The following BTNL9 variants were observed in gnomAD, a reference collection of about 807,000 sequenced individuals.
The protein encoded by BTNL9 is butyrophilin-like protein 9.
BTNL9 carries 45 observed loss-of-function variants against 45.8 expected under a neutral mutation model. The ratio of observed to expected loss-of-function variants is 0.98; its 90% CI spans 0.77 to 1.26. The LOEUF (loss-of-function observed/expected upper bound fraction) is 1.26, where lower values mean the gene tolerates loss of function less well. Ranked by LOEUF, BTNL9 falls within the 50% of genes most tolerant of loss-of-function variation. BTNL9 has a pLI of 0.00. For synonymous variants in BTNL9, 346 were observed against 330.8 expected, an observed-to-expected ratio of 1.05 and a Z score of -0.50; for missense variants, 784 against 729.7, an observed-to-expected ratio of 1.07 and a Z score of -0.86.
chr5:181,047,679 A>T (rs972951590), intron 2 of BTNL9, among the ~76,000 whole-genome samples: 1 of 152,212 alleles, frequency 6.6e-6, no homozygotes, highest in Admixed American at 6.5e-5. Flanking sequence ...ACCTGGTTGG[A>T]TGAAACCAGT....
chr5:181,055,899 C>T lies in BTNL9; in HGVS notation c.929-90C>T, dbSNP rs3885615. On this transcript the variant is annotated intron_variant, in intron 8 of 10. Coordinates refer to ENST00000327705, the MANE Select transcript of BTNL9 (RefSeq NM_152547.5). The surrounding 1 kb of genome is among the most constrained non-coding windows in gnomAD (Gnocchi z 4.4). ...CTGGCTATGTGGGTGGTGGGGGGTGCGGGACAGGGTGGGTGCAAGATGTGA... is the reference window on the plus strand; with the variant it reads ...CTGGCTATGTGGGTGGTGGGGGGTGTGGGACAGGGTGGGTGCAAGATGTGA... 0.33 allele frequency: 485,611 copies of T among 1,492,502 alleles called. 82,721 individuals are homozygous for T. Among genetic ancestry groups the T allele is most frequent in the Non-Finnish European group, 0.35 (378,016 of 1,069,374 alleles). 92.5% of individuals were successfully genotyped at this position (1,492,502 alleles called of 1,614,324 possible).
chr5:181,045,919 C>T (rs28675095), intron 2 of BTNL9, among the ~76,000 whole-genome samples: 26 of 53,082 alleles, frequency 4.9e-4, no homozygotes, highest in African/African-American at 1.2e-3. Flanking sequence ...TCCCCAGCCC[C>T]CAACACCTCC....
chr5:181,058,962 C>G (rs1762018991), intron 10 of BTNL9, among the ~76,000 whole-genome samples: 2 of 152,154 alleles, frequency 1.3e-5, no homozygotes, highest in African/African-American at 4.8e-5. Context: ...GCTCCCTCCC[C>G]GCCAGCCTAC....
chr5:181,043,119 G>A (rs1760867020), intron 1 of BTNL9, among the ~76,000 whole-genome samples: 1 of 152,056 alleles, frequency 6.6e-6, no homozygotes, highest in East Asian at 1.9e-4. Flanking sequence ...ATAATACTGA[G>A]GTATAGATAA....
intron 1 of BTNL9, among the ~76,000 whole-genome samples, chr5:181,043,242 CTGTGTGTGTGTGCATGGGTGTGTCTGTG>C (rs1760889424): frequency 5.9e-5 from 4 of 67,700 alleles, no homozygotes; most frequent in African/African-American, 2.8e-4. Flanking sequence ...ATGTGTGTGT[CTGTGTGTGTGTGCATGGGTGTGTCTGTG>C]TGTGTGTGCA....
chr5:181,059,825 C>T lies in BTNL9; in HGVS notation c.1571C>T (p.Pro524Leu). ...AACGACAGTGACACCTGGCTACAGCCCTATGAGCCCGCGGACCCCGCCCTG... is the reference window on the plus strand; with the variant it reads ...AACGACAGTGACACCTGGCTACAGCTCTATGAGCCCGCGGACCCCGCCCTG... ...EENDSDTWLQ[P>L]YEPADPALDW... The change falls in exon 11 of 11, where the codon CCC becomes CTC. Residue 524 changes from proline (P) to leucine (L), a missense_variant. Coordinates refer to ENST00000327705, the MANE Select transcript of BTNL9 (RefSeq NM_152547.5). The T allele has an allele frequency of 1.3e-6, 2 of 1,593,152 alleles. No individual in the cohort carries two copies. The highest frequency in any genetic ancestry group is 1.7e-6 in the Non-Finnish European group (2 of 1,175,356).
In BTNL9 at chr5:181,053,719, T is replaced by C. The variant is rs1219412309; in HGVS notation, c.886+218T>C. ...CGGCTGCATTTTCCACGGAGGCTAG[T>C]GCACAGATGTCAGGGTTGACCGGCT... On this transcript the variant is annotated intron_variant, in intron 6 of 10. Coordinates refer to ENST00000327705, the MANE Select transcript of BTNL9 (RefSeq NM_152547.5). This position sits in a 1 kb window ranked among gnomAD's most constrained non-coding sequence, Gnocchi z 6.5. 1 of 1,512,924 alleles carries C rather than the reference T, an allele frequency of 6.6e-7. No homozygotes were observed. The highest frequency in any genetic ancestry group is 8.9e-7 in the Non-Finnish European group (1 of 1,129,438). 93.7% of individuals were successfully genotyped at this position (1,512,924 alleles called of 1,614,324 possible).
chr5:181,047,040 G>A (rs1004088968), intron 2 of BTNL9, among the ~76,000 whole-genome samples: 2 of 152,234 alleles, frequency 1.3e-5, no homozygotes, highest in Non-Finnish European at 2.9e-5. Context: ...ATTTCCTGTG[G>A]GCCAAGTGCA....
At chr5:181,056,075 A>G in intron 9 of BTNL9, 60 bp downstream of exon 9, 2 of 1,582,576 alleles carry the variant, frequency 1.3e-6, no homozygotes, top group Non-Finnish European at 1.7e-6. Context: ...CCCCAGTCCA[A>G]CTCACCTGAT....
chr5:181,043,789 C>T lies in BTNL9; in HGVS notation c.-23-1678C>T, dbSNP rs574666244. ...GAGAAGGTGCACAACCAGTGTAGAC[C>T]CCTTTGCTGGAACCCTTCCTTGCCA... is the stretch of plus-strand genomic sequence containing the variant. On this transcript the variant is annotated intron_variant, in intron 1 of 10. Transcript: ENST00000327705. Among the ~76,000 whole-genome samples the T allele has an allele frequency of 2.0e-5, 3 of 152,284 alleles. No individual in the cohort carries two copies. The South Asian group carries it at 6.2e-4, about 32-fold the overall frequency.
intron 1 of BTNL9, among the ~76,000 whole-genome samples, chr5:181,043,966 GC>G (rs1250807792): frequency 1.5e-4 from 23 of 152,332 alleles, no homozygotes; most frequent in African/African-American, 5.1e-4. Flanking sequence ...TGTCAACACG[GC>G]CCCGCTTCGG....
chr5:181,051,078 C>CAA (rs1399289272), intron 4 of BTNL9, among the ~76,000 whole-genome samples: 4 of 44,688 alleles, frequency 9.0e-5, no homozygotes, highest in African/African-American at 2.6e-4. Flanking sequence ...GAATCCGTCT[C>CAA]AAAAAAAAAA....
At chr5:181,044,380 G>A (rs9329117) in intron 1 of BTNL9, among the ~76,000 whole-genome samples, 10,551 of 152,184 alleles carry the variant, frequency 0.069, 524 homozygotes, top group African/African-American at 0.14. Context: ...AGACAGAGAG[G>A]GTTGGAGAGA....
In BTNL9 at chr5:181,059,416, G is replaced by A; in HGVS notation, c.1162G>A (p.Val388Met). The A allele has an allele frequency of 6.7e-7, 1 of 1,490,322 alleles. No individual in the cohort carries two copies. The allele number at this position is 1,490,322 out of a possible 1,614,324, so 92.3% of individuals were successfully genotyped here. ...RFSAGRHYWE[V>M]HVGRRSRWFL... ...CTCCGCCGGCCGCCACTACTGGGAGGTGCACGTGGGCCGCCGCAGCCGCTG... is the reference window on the plus strand; with the variant it reads ...CTCCGCCGGCCGCCACTACTGGGAGATGCACGTGGGCCGCCGCAGCCGCTG... Residue 388 changes from valine to methionine, a missense_variant, in exon 11 of 11, where the codon GTG (valine) becomes ATG (methionine). Transcript: ENST00000327705.
Position 181,050,051 on chromosome 5 carries a change from G to C in BTNL9, c.455-37G>C, listed in dbSNP as rs758171031. On this transcript the variant is annotated intron_variant, in intron 3 of 10. Coordinates refer to ENST00000327705, the MANE Select transcript of BTNL9 (RefSeq NM_152547.5). The surrounding 1 kb of genome is among the most constrained non-coding windows in gnomAD (Gnocchi z 4.9). ...GAATGTTATGCGTGATTTCTCAGAAGAAGCCTGACCTTTCCCACTCCTCCT... is the reference window on the plus strand; with the variant it reads ...GAATGTTATGCGTGATTTCTCAGAACAAGCCTGACCTTTCCCACTCCTCCT... 9.4e-6 allele frequency: 15 copies of C among 1,591,850 alleles called. No individual in the cohort carries two copies. Among genetic ancestry groups the C allele is most frequent in the Non-Finnish European group, 1.2e-5 (14 of 1,169,108 alleles).
chr5:181,055,417 T>C lies in BTNL9; in HGVS notation c.908-16T>C. ...CACCTGCAGGCTGAAGTTTTCTTTG[T>C]GTGTTCTGCTTGCAGAAAAGCTTCA... On this transcript the variant is annotated splice_polypyrimidine_tract_variant and intron_variant, in intron 7 of 10. Coordinates refer to ENST00000327705, the MANE Select transcript of BTNL9 (RefSeq NM_152547.5). The surrounding 1 kb of genome is among the most constrained non-coding windows in gnomAD (Gnocchi z 4.4). 2 of 1,614,118 alleles carry C rather than the reference T, an allele frequency of 1.2e-6. No individual in the cohort carries two copies. The highest frequency in any genetic ancestry group is 2.2e-5 in the South Asian group (2 of 91,084).
chr5:181,054,012 G>GGGC lies in BTNL9; in HGVS notation c.887-225_887-223dup. 1.9e-6 allele frequency: 3 copies of GGGC among 1,539,842 alleles called. 1 individual carries two copies. The Admixed American group carries it at 5.9e-5, about 30-fold the overall frequency. On this transcript the variant is annotated intron_variant, in intron 6 of 10. Transcript: ENST00000327705. ...CTGATTTTCACACTAGCAGGAGGGA[G>GGGC]GGCGCTGGGTCACCCTCCTATGCAG...
chr5:181,046,615 G>A (rs1020916525), intron 2 of BTNL9, among the ~76,000 whole-genome samples: 1 of 152,134 alleles, frequency 6.6e-6, no homozygotes, highest in African/African-American at 2.4e-5. Flanking sequence ...GTAGTCAAGG[G>A]AGGGGTGTGG....
At chr5:181,045,716 A>AG in intron 2 of BTNL9, 118 bp downstream of exon 2, 1 of 787,246 alleles carries the variant, frequency 1.3e-6, no homozygotes, top group Non-Finnish European at 2.1e-6. Context: ...AATACAAAAA[A>AG]GACTTCCATC....
Sources: gnomAD v4.1 joint callset for allele counts (sites outside exome capture counted in the v4.1 genomes callset) on GRCh38, gnomAD v4.1.1 for gene constraint, Gnocchi (gnomAD v3.1) non-coding constraint, MANE v1.5 for transcripts, NCBI Gene and HGNC (gene_info 2026-07-23, HGNC 2026-07-21) for gene names.